Variants in INSL6 observed in about 807,000 individuals in gnomAD.
INSL6 encodes the protein insulin-like peptide INSL6.
INSL6 carries 16 observed loss-of-function variants against 9.4 expected under a neutral mutation model. That is an observed-to-expected ratio of 1.70 (90% CI 1.15 to 2.59). The LOEUF is 2.59. Ranked by LOEUF, INSL6 falls within the 30% of genes most tolerant of loss-of-function variation. INSL6 has a pLI of 0.00. For synonymous variants in INSL6, 154 were observed against 96.9 expected (o/e 1.59, Z -3.46); for missense variants, 391 against 257.3 (o/e 1.52, Z -3.56).
At chr9:5,166,752 G>A (rs527314987) in intron 1 of INSL6, among the ~76,000 whole-genome samples, 27 of 152,230 alleles carry the variant, frequency 1.8e-4, no homozygotes, top group Middle Eastern at 3.4e-3. Context: ...TAATATACAA[G>A]TTGTTCCAGA....
the INSL6 span, among the ~76,000 whole-genome samples, chr9:5,038,350 C>T: frequency 1.3e-5 from 2 of 152,010 alleles, no homozygotes; most frequent in African/African-American, 4.8e-5. Context: ...AATTCTATCA[C>T]ACATTAAAAA....
At chr9:5,114,648 C>T in the INSL6 span, 2 of 463,656 alleles carry the variant, frequency 4.3e-6, no homozygotes, top group Middle Eastern at 1.3e-3. Context: ...CATGACGCAG[C>T]CCCGCAAAAC....
chr9:5,160,686 A>C (rs1824907409), downstream of INSL6, among the ~76,000 whole-genome samples: 1 of 152,220 alleles, frequency 6.6e-6, no homozygotes, highest in South Asian at 2.1e-4. Context: ...AAACTGACAA[A>C]ATGTTAGCCA....
the INSL6 span, among the ~76,000 whole-genome samples, chr9:5,065,953 G>A: frequency 6.6e-6 from 1 of 152,096 alleles, no homozygotes; most frequent in Non-Finnish European, 1.5e-5. Flanking sequence ...TGTACTACTT[G>A]AACTTTATGT....
the INSL6 span, chr9:5,068,919 T>G: frequency 1.5e-6 from 1 of 671,580 alleles, no homozygotes; most frequent in Non-Finnish European, 2.5e-6. Flanking sequence ...ATGGTTCAAA[T>G]GTTTATTCTG....
At chr9:5,098,007 G>A in the INSL6 span, 1 of 152,134 alleles carries the variant, frequency 6.6e-6, no homozygotes, top group Non-Finnish European at 1.5e-5. Context: ...TACACCGCAT[G>A]AAATATTATC....
the INSL6 span, among the ~76,000 whole-genome samples, chr9:5,103,662 T>C: frequency 3.9e-5 from 6 of 152,260 alleles, no homozygotes; most frequent in African/African-American, 1.2e-4. Context: ...ATAGACCACA[T>C]AGAAGTAAAG....
intron 2 of INSL6, among the ~76,000 whole-genome samples, chr9:5,155,064 T>C: frequency 6.6e-6 from 1 of 151,580 alleles, no homozygotes; most frequent in Admixed American, 6.6e-5. Context: ...AGCAAAGACT[T>C]GGAACCAAGC....
the INSL6 span, chr9:5,110,833 G>A: frequency 2.6e-5 from 12 of 453,320 alleles, no homozygotes; most frequent in South Asian, 1.5e-4. Flanking sequence ...CCGTTTGTTC[G>A]GGGAAGGTGG....
the INSL6 span, among the ~76,000 whole-genome samples, chr9:5,117,390 C>CT: frequency 8.7e-4 from 133 of 152,158 alleles, no homozygotes; most frequent in Non-Finnish European, 1.5e-3. Flanking sequence ...GATAGCTCTA[C>CT]TTTTGTTATA....
the INSL6 span, chr9:5,073,801 G>C: frequency 1.3e-6 from 2 of 1,514,104 alleles, no homozygotes; most frequent in Non-Finnish European, 1.8e-6. Context: ...TAAAACTACA[G>C]GCTTTCTAAT....
rs9696617 is a variant in INSL6 at position 5,153,040 on chromosome 9, T to C, written c.376+11139A>G. 7.5e-3 allele frequency among the ~76,000 whole-genome samples: 1,144 copies of C among 152,114 alleles called. 15 individuals are homozygous for C. Among genetic ancestry groups the C allele is most frequent in the African/African-American group, 0.026 (1,090 of 41,480 alleles). On this transcript the variant is annotated intron_variant, in intron 2 of 3. Transcript: ENST00000649639. ...TGCACTTTTCCCATGGTCCTCGCAA[T>C]CCGCAGACCAGGAGATTCCTTCCAG...
At chr9:5,041,353 C>T in the INSL6 span, 5 of 639,696 alleles carry the variant, frequency 7.8e-6, no homozygotes, top group Admixed American at 4.8e-5. Flanking sequence ...CGGCGTGCTA[C>T]ATGAGCATCA....
chr9:5,090,719 G>C, the INSL6 span: 2 of 1,569,812 alleles, frequency 1.3e-6, no homozygotes, highest in Non-Finnish European at 1.7e-6. Flanking sequence ...CTAGCTGAAA[G>C]AAAAATGTTT....
chr9:5,088,840 C>A, the INSL6 span, among the ~76,000 whole-genome samples: 1 of 152,014 alleles, frequency 6.6e-6, no homozygotes, highest in African/African-American at 2.4e-5. Flanking sequence ...AGAGTTCCAC[C>A]CTTATAACCT....
the INSL6 span, among the ~76,000 whole-genome samples, chr9:5,066,497 A>G: frequency 1.3e-5 from 2 of 152,072 alleles, no homozygotes; most frequent in East Asian, 3.8e-4. Context: ...AGTGGTTTGA[A>G]CTTACTGCAA....
the INSL6 span, among the ~76,000 whole-genome samples, chr9:5,034,915 A>C: frequency 1.3e-5 from 2 of 152,184 alleles, no homozygotes; most frequent in African/African-American, 4.8e-5. Flanking sequence ...ATAGAGAGAC[A>C]AAAAACCCTT....
At chr9:5,153,314 A>G (rs1824748926) in intron 2 of INSL6, among the ~76,000 whole-genome samples, 1 of 152,180 alleles carries the variant, frequency 6.6e-6, no homozygotes, top group African/African-American at 2.4e-5. Flanking sequence ...GTGCCAGCAC[A>G]GCAGTCTAAG....
At chr9:5,062,700 C>T in the INSL6 span, among the ~76,000 whole-genome samples, 1 of 151,904 alleles carries the variant, frequency 6.6e-6, no homozygotes, top group Non-Finnish European at 1.5e-5. Flanking sequence ...TGTATCTGTA[C>T]ACCTGTTTTC....
Sources: allele counts gnomAD v4.1 joint callset (sites outside exome capture counted in the v4.1 genomes callset), GRCh38; gene constraint gnomAD v4.1.1; transcripts MANE v1.5; gene names NCBI Gene and HGNC (gene_info 2026-07-23, HGNC 2026-07-21).